TBC1D22B: variants seen among roughly 807,000 people sequenced by gnomAD.
TBC1D22B encodes the protein TBC1 domain family member 22B.
A neutral mutation model predicts 69.1 loss-of-function variants in TBC1D22B; 32 were observed. That is an observed-to-expected ratio of 0.46 (90% CI 0.35 to 0.62). The LOEUF (loss-of-function observed/expected upper bound fraction) is 0.62. Ranked by LOEUF, TBC1D22B falls within the 20% of genes least tolerant of loss-of-function variation. The pLI is 0.00. For missense variants in TBC1D22B, 462 were observed against 630.9 expected (o/e 0.73, Z 2.87); for synonymous variants, 206 against 229.8 (o/e 0.90, Z 0.94).
At chr6:37,317,007 A>T (rs1025189491) in intron 11 of TBC1D22B, 104 bp from the exon 12 acceptor site, 32 of 1,454,032 alleles carry the variant, frequency 2.2e-5, no homozygotes, top group Non-Finnish European at 2.8e-5. Flanking sequence ...CATCTCCCCA[A>T]CCGTGAAAGA....
chr6:37,293,013 T>C (rs1166964677), intron 8 of TBC1D22B, among the ~76,000 whole-genome samples: 1 of 152,148 alleles, frequency 6.6e-6, no homozygotes, highest in Non-Finnish European at 1.5e-5. Context: ...GTGTTCACTT[T>C]GTGTCTCTGT....
chr6:37,276,141 T>G (rs752244929), intron 2 of TBC1D22B, among the ~76,000 whole-genome samples: 1 of 151,992 alleles, frequency 6.6e-6, no homozygotes, highest in Non-Finnish European at 1.5e-5. Context: ...ATTTTTGTAT[T>G]TTTAGTAGAG....
At chr6:37,284,220 T>C in intron 5 of TBC1D22B, 116 bp from the exon 6 acceptor site, 1 of 1,526,358 alleles carries the variant, frequency 6.6e-7, no homozygotes. Context: ...AAAAGGGATT[T>C]ACCCTTGGCA....
intron 6 of TBC1D22B, 149 bp from the exon 7 acceptor site, chr6:37,286,858 C>T (rs145545265): frequency 0.028 from 16,974 of 609,396 alleles, 333 homozygotes; most frequent in Non-Finnish European, 0.035. Flanking sequence ...GCAGGAGAAT[C>T]GCTTGAACCC....
chr6:37,257,833 G>A lies in TBC1D22B; in HGVS notation c.-85G>A. On this transcript the variant is annotated 5_prime_UTR_variant, in exon 1 of 13. Coordinates refer to ENST00000373491, the MANE Select transcript of TBC1D22B (RefSeq NM_017772.4). ...TGACCGGCGGCGGGGAAGCGGCCTGGGTTGGCCCTCAGATTGCGGGGTCTG... is the reference window on the plus strand; with the variant it reads ...TGACCGGCGGCGGGGAAGCGGCCTGAGTTGGCCCTCAGATTGCGGGGTCTG... 1 of 1,495,454 alleles carries A rather than the reference G, an allele frequency of 6.7e-7. No homozygotes were observed. The allele number at this position is 1,495,454 out of a possible 1,614,324, so 92.6% of individuals were successfully genotyped here.
intron 12 of TBC1D22B, among the ~76,000 whole-genome samples, chr6:37,322,922 T>G (rs566602225): frequency 6.6e-6 from 1 of 152,268 alleles, no homozygotes; most frequent in African/African-American, 2.4e-5. Context: ...GGCACTTAGA[T>G]GAGCAGCAGG....
chr6:37,311,439 A>G (rs1767908157), intron 8 of TBC1D22B, among the ~76,000 whole-genome samples: 2 of 152,144 alleles, frequency 1.3e-5, no homozygotes, highest in Admixed American at 6.5e-5. Flanking sequence ...TGTGAGGCTG[A>G]GGTGTGAGGA....
chr6:37,330,936 G>A, intron 12 of TBC1D22B, 108 bp from the exon 13 acceptor site: 1 of 1,139,818 alleles, frequency 8.8e-7, no homozygotes, highest in South Asian at 1.4e-5. Flanking sequence ...TGAGATGTGT[G>A]AGCCAGGAGG....
intron 12 of TBC1D22B, among the ~76,000 whole-genome samples, 162 bp downstream of exon 12, chr6:37,317,368 A>G (rs1478963228): frequency 1.3e-5 from 2 of 152,224 alleles, no homozygotes; most frequent in South Asian, 4.1e-4. Flanking sequence ...GTTGGCAGGA[A>G]GTCACTGGAG....
intron 12 of TBC1D22B, among the ~76,000 whole-genome samples, chr6:37,320,295 T>A (rs938023819): frequency 2.0e-5 from 3 of 152,156 alleles, no homozygotes; most frequent in Non-Finnish European, 4.4e-5. Context: ...TCTCACACTT[T>A]CCTAAACATG....
chr6:37,324,789 T>C (rs1768346600), intron 12 of TBC1D22B, among the ~76,000 whole-genome samples: 1 of 152,248 alleles, frequency 6.6e-6, no homozygotes, highest in Non-Finnish European at 1.5e-5. Flanking sequence ...CTAGTAATTA[T>C]GAGCACATGC....
intron 11 of TBC1D22B, 97 bp downstream of exon 11, chr6:37,316,927 TCTC>T: frequency 6.3e-7 from 1 of 1,576,894 alleles, no homozygotes. Context: ...AGCTTCCCCT[TCTC>T]CTCTTTTCTA....
intron 8 of TBC1D22B, among the ~76,000 whole-genome samples, chr6:37,306,322 T>A (rs1218189344): frequency 6.6e-6 from 1 of 152,166 alleles, no homozygotes; most frequent in African/African-American, 2.4e-5. Flanking sequence ...GATGTTGAGG[T>A]AGCCAACATA....
chr6:37,300,338 T>G (rs1767527118), intron 8 of TBC1D22B, among the ~76,000 whole-genome samples: 1 of 151,496 alleles, frequency 6.6e-6, no homozygotes, highest in East Asian at 1.9e-4. Flanking sequence ...TATAAAGTTG[T>G]TAAATTATTA....
At chr6:37,292,911 A>G (rs1206982665) in intron 8 of TBC1D22B, among the ~76,000 whole-genome samples, 1 of 151,970 alleles carries the variant, frequency 6.6e-6, no homozygotes, top group Non-Finnish European at 1.5e-5. Context: ...ATCTTGTTTT[A>G]TTGAGCTTTG....
At chr6:37,290,186 A>G (rs558894003) in intron 7 of TBC1D22B, among the ~76,000 whole-genome samples, 1 of 152,146 alleles carries the variant, frequency 6.6e-6, no homozygotes, top group African/African-American at 2.4e-5. Context: ...CCTGCTTGAG[A>G]GGGCCTCTTC....
intron 1 of TBC1D22B, among the ~76,000 whole-genome samples, chr6:37,264,595 G>A (rs1267059935): frequency 6.6e-6 from 1 of 152,162 alleles, no homozygotes; most frequent in Non-Finnish European, 1.5e-5. Flanking sequence ...ACAGTGCCCA[G>A]CCCTGATTGT....
At chr6:37,326,376 C>CTA (rs71542108) in intron 12 of TBC1D22B, among the ~76,000 whole-genome samples, 3 of 115,890 alleles carry the variant, frequency 2.6e-5, no homozygotes, top group Non-Finnish European at 3.6e-5. Context: ...GACTGCGCCT[C>CTA]AAAAAAAAAA....
chr6:37,293,084 A>ATT (rs1164959921), intron 8 of TBC1D22B, among the ~76,000 whole-genome samples: 1 of 143,450 alleles, frequency 7.0e-6, no homozygotes, highest in Admixed American at 6.9e-5. Context: ...TATTATTATT[A>ATT]TTTTTTTTTT....
Sources: allele counts gnomAD v4.1 joint callset (sites outside exome capture counted in the v4.1 genomes callset), GRCh38; gene constraint gnomAD v4.1.1; transcripts MANE v1.5; gene names NCBI Gene and HGNC (gene_info 2026-07-23, HGNC 2026-07-21).